Variants in MAGI2 observed in about 807,000 individuals in gnomAD.
The protein encoded by MAGI2 is membrane-associated guanylate kinase, WW and PDZ domain-containing protein 2.
A neutral mutation model predicts 133.3 loss-of-function variants in MAGI2; 35 were observed. That is an observed-to-expected ratio of 0.26 (90% confidence interval 0.20 to 0.35). The LOEUF is 0.35. Ranked by LOEUF, MAGI2 falls within the 10% of genes least tolerant of loss-of-function variation. The pLI, the probability that MAGI2 is intolerant of heterozygous loss-of-function variation, is 1.00. For missense variants in MAGI2, 1,636 were observed against 1,863.4 expected, an observed-to-expected ratio of 0.88 and a Z score of 2.25; for synonymous variants, 729 against 710.6, an observed-to-expected ratio of 1.03 and a Z score of -0.41.
chr7:78,677,199 C>T (rs1008244583), intron 2 of MAGI2, among the ~76,000 whole-genome samples: 2 of 151,984 alleles, frequency 1.3e-5, no homozygotes, highest in Non-Finnish European at 2.9e-5. Flanking sequence ...TAATATCAGT[C>T]ATACTGCTTT....
intron 1 of MAGI2, among the ~76,000 whole-genome samples, chr7:79,048,378 C>T (rs1416477026): frequency 3.9e-5 from 6 of 152,126 alleles, no homozygotes; most frequent in Admixed American, 1.3e-4. Context: ...CAAAATGCCA[C>T]GATGTTCTCC....
chr7:78,909,441 A>AG (rs1262828172), intron 2 of MAGI2, among the ~76,000 whole-genome samples: 1 of 150,980 alleles, frequency 6.6e-6, no homozygotes, highest in East Asian at 1.9e-4. Flanking sequence ...AAAAAAAAAA[A>AG]AAACAAAAAA....
At chr7:79,285,552 C>T (rs1158706443) in intron 1 of MAGI2, among the ~76,000 whole-genome samples, 1 of 152,150 alleles carries the variant, frequency 6.6e-6, no homozygotes, top group Non-Finnish European at 1.5e-5. Flanking sequence ...AAGTTTCTAA[C>T]AGTGCCCCAC....
chr7:79,201,619 T>C (rs775995508), intron 1 of MAGI2, among the ~76,000 whole-genome samples: 3 of 151,984 alleles, frequency 2.0e-5, no homozygotes, highest in Non-Finnish European at 4.4e-5. Context: ...GGATCAACAG[T>C]GCACAGCTGC....
chr7:79,272,866 C>T (rs1252409294), intron 1 of MAGI2, among the ~76,000 whole-genome samples: 4 of 152,092 alleles, frequency 2.6e-5, no homozygotes, highest in Admixed American at 6.6e-5. Context: ...CACTCGAATT[C>T]GAGAGCAATG....
chr7:78,139,881 A>G (rs779601390), intron 16 of MAGI2, among the ~76,000 whole-genome samples: 10 of 152,176 alleles, frequency 6.6e-5, no homozygotes, highest in Non-Finnish European at 1.3e-4. Flanking sequence ...CTTATATTGC[A>G]ACATGTTTTA....
At chr7:78,775,235 C>A (rs1825892359) in intron 2 of MAGI2, among the ~76,000 whole-genome samples, 1 of 146,278 alleles carries the variant, frequency 6.8e-6, no homozygotes, top group Admixed American at 7.0e-5. Context: ...ATGGTGTGAA[C>A]CCGGGAGGCA....
intron 2 of MAGI2, among the ~76,000 whole-genome samples, chr7:78,976,875 ATATAAG>A (rs1310789818): frequency 1.3e-5 from 2 of 151,684 alleles, no homozygotes; most frequent in African/African-American, 4.8e-5. Context: ...AAATACTTAC[ATATAAG>A]TATAACAAAA....
At chr7:79,021,148 G>T (rs1809287255) in intron 1 of MAGI2, among the ~76,000 whole-genome samples, 1 of 152,230 alleles carries the variant, frequency 6.6e-6, no homozygotes. Context: ...AGGATGTATG[G>T]AAACACCTGG....
At chr7:78,640,277 T>C (rs544706100) in intron 2 of MAGI2, among the ~76,000 whole-genome samples, 36 of 151,982 alleles carry the variant, frequency 2.4e-4, no homozygotes, top group African/African-American at 8.7e-4. Context: ...AGAATAAAAC[T>C]ATCCTGTAAT....
intron 9 of MAGI2, among the ~76,000 whole-genome samples, chr7:78,320,287 C>T (rs1355289300): frequency 6.6e-6 from 1 of 152,082 alleles, no homozygotes; most frequent in African/African-American, 2.4e-5. Context: ...CAGCATCATC[C>T]CGATACCAAA....
At chr7:79,202,604 C>T (rs868867520) in intron 1 of MAGI2, among the ~76,000 whole-genome samples, 11 of 151,604 alleles carry the variant, frequency 7.3e-5, no homozygotes, top group African/African-American at 1.9e-4. Context: ...TTTAATAAAA[C>T]GTATTTAAAA....
At chr7:79,418,361 A>G (rs1360135944) in intron 1 of MAGI2, among the ~76,000 whole-genome samples, 1 of 152,096 alleles carries the variant, frequency 6.6e-6, no homozygotes, top group African/African-American at 2.4e-5. Flanking sequence ...ACAAACTAAT[A>G]ATGTTGGTAG....
rs186079034 is a variant in MAGI2, at chr7:78,921,020, T to C, written c.418+86070A>G. Among the ~76,000 whole-genome samples, 165 of 152,278 alleles carry C rather than the reference T, an allele frequency of 1.1e-3. 3 individuals carry two copies. Among genetic ancestry groups the C allele is most frequent in the Non-Finnish European group, 2.5e-4 (17 of 68,028 alleles). ...CCTGATTTCCGTCAGGAATACAGCA[T>C]GATATGGACTCAGGAACAGGCTGAT... On this transcript the variant is annotated intron_variant, in intron 2 of 21. Coordinates refer to ENST00000354212, the MANE Select transcript of MAGI2 (RefSeq NM_012301.4).
intron 2 of MAGI2, among the ~76,000 whole-genome samples, chr7:78,959,040 C>T (rs929347689): frequency 3.3e-5 from 5 of 152,132 alleles, no homozygotes; most frequent in East Asian, 1.9e-4. Flanking sequence ...CTCTGCAACT[C>T]GGCCACGGGC....
chr7:78,748,517 C>T (rs1167332872), intron 2 of MAGI2, among the ~76,000 whole-genome samples: 1 of 152,182 alleles, frequency 6.6e-6, no homozygotes, highest in Non-Finnish European at 1.5e-5. Context: ...AAGTGTAAAA[C>T]CCAAGTGACA....
At chr7:78,268,365 T>C (rs1013970567) in intron 9 of MAGI2, among the ~76,000 whole-genome samples, 8 of 152,186 alleles carry the variant, frequency 5.3e-5, no homozygotes, top group Non-Finnish European at 1.0e-4. Flanking sequence ...AAATATATTG[T>C]TGGAGATCAG....
intron 1 of MAGI2, among the ~76,000 whole-genome samples, chr7:79,268,915 G>T (rs1202618414): frequency 6.6e-6 from 1 of 152,144 alleles, no homozygotes; most frequent in Non-Finnish European, 1.5e-5. Flanking sequence ...AGCTCCCAGA[G>T]AGTTTCAACC....
chr7:78,927,141 G>C (rs1014470976), intron 2 of MAGI2, among the ~76,000 whole-genome samples: 1 of 152,004 alleles, frequency 6.6e-6, no homozygotes, highest in Admixed American at 6.6e-5. Flanking sequence ...GTGATGAAAA[G>C]AGACTGAAGT....
Sources: allele counts gnomAD v4.1 joint callset (sites outside exome capture counted in the v4.1 genomes callset), GRCh38; gene constraint gnomAD v4.1.1; transcripts MANE v1.5; gene names NCBI Gene and HGNC (gene_info 2026-07-23, HGNC 2026-07-21).